MGMT: variants seen among roughly 807,000 people sequenced by gnomAD.
MGMT encodes O-6-methylguanine-DNA methyltransferase.
A neutral mutation model predicts 15.9 loss-of-function variants in MGMT; 14 were observed. That is an observed-to-expected ratio of 0.88 (90% CI 0.58 to 1.37). MGMT has a LOEUF of 1.37. MGMT is among the 40% of genes most tolerant of loss of function. The pLI is 0.00. For synonymous variants in MGMT, 130 were observed against 118.2 expected (o/e 1.10, Z -0.65); for missense variants, 282 against 268.1 (o/e 1.05, Z -0.36).
chr10:129,615,892 T>A (rs532248), intron 2 of MGMT, among the ~76,000 whole-genome samples: 67,861 of 151,926 alleles, frequency 0.45, 16,177 homozygotes, highest in East Asian at 0.62. Context: ...GGGACCAGGA[T>A]GAATGGGTCT....
In MGMT at chr10:129,767,195, G is replaced by A. The variant is rs1387100158; in HGVS notation, c.*198G>A. ...GCACACATTTGTTTCCTTCTCTAAC[G>A]CTGCCCTTGCTCTATTTTTCATGTC... On this transcript the variant is annotated 3_prime_UTR_variant, in exon 5 of 5. Coordinates refer to ENST00000651593, the MANE Select transcript of MGMT (RefSeq NM_002412.5). 13 of 511,868 alleles carry A rather than the reference G, an allele frequency of 2.5e-5. No individual in the cohort carries two copies. Among genetic ancestry groups the A allele is most frequent in the Non-Finnish European group, 4.1e-5 (12 of 292,082 alleles). 31.7% of individuals were successfully genotyped at this position (511,868 alleles called of 1,614,324 possible). A position where few individuals can be genotyped will look rare whatever the true frequency, so the allele number is the denominator to read the frequency against.
At chr10:129,713,081 C>T (rs1047904532) in intron 3 of MGMT, among the ~76,000 whole-genome samples, 10 of 152,180 alleles carry the variant, frequency 6.6e-5, no homozygotes, top group East Asian at 3.8e-4. Context: ...GTCCTTTCAG[C>T]ACTTTGTACC....
chr10:129,640,115 G>A (rs1239747052), intron 2 of MGMT, among the ~76,000 whole-genome samples: 1 of 85,672 alleles, frequency 1.2e-5, no homozygotes, highest in Non-Finnish European at 2.4e-5. Flanking sequence ...TTTTTTTTTT[G>A]GAGACAGAGT....
intron 3 of MGMT, among the ~76,000 whole-genome samples, chr10:129,757,701 C>T (rs1426978685): frequency 1.3e-5 from 2 of 152,170 alleles, no homozygotes; most frequent in African/African-American, 2.4e-5. Flanking sequence ...GATTTCAAAA[C>T]GTTTTCTGAA....
chr10:129,533,746 C>T lies in MGMT; in HGVS notation c.-12-2495C>T, dbSNP rs765527575. On this transcript the variant is annotated intron_variant, in intron 1 of 4. Transcript: ENST00000651593. The surrounding 1 kb of genome is among the most constrained non-coding windows in gnomAD (Gnocchi z 4.5). ...TGATGTGTGCTGTTCTTCAGGGAGC[C>T]CTGAGCAGAGCTGCCAGCATCCTGC... Among the ~76,000 whole-genome samples the T allele has an allele frequency of 6.6e-6, 1 of 152,128 alleles. No individual in the cohort carries two copies. The highest frequency in any genetic ancestry group is 2.4e-5 in the African/African-American group (1 of 41,414).
chr10:129,707,916 C>A lies in MGMT; in HGVS notation c.147C>A (p.Pro49=). Residue 49 remains proline (P), a synonymous_variant, in exon 3 of 5, where the codon CCC becomes CCA. Transcript: ENST00000651593. ...GCAGTGCCGTGGAGGTCCCAGCCCC[C>A]GCTGCGGTTCTCGGAGGTCCGGAGC... The part of the protein sequence containing the change: ...SAADAVEVPA[P]AAVLGGPEPL... 1 of 1,611,992 alleles carries A rather than the reference C, an allele frequency of 6.2e-7. No homozygotes were observed. The highest frequency in any genetic ancestry group is 1.1e-5 in the South Asian group (1 of 91,030).
rs16906252 is a variant in MGMT at position 129,467,281 on chromosome 10, C to T, written c.-28C>T. ...GACGCCCGCAGGTCCTCGCGGTGCG[C>T]ACCGTTTGCGACTTGGTGAGTGTCT... On this transcript the variant is annotated 5_prime_UTR_variant, in exon 1 of 5. Coordinates refer to ENST00000651593, the MANE Select transcript of MGMT (RefSeq NM_002412.5). 0.064 allele frequency: 98,079 copies of T among 1,543,640 alleles called. 3,472 individuals are homozygous for T. The highest frequency in any genetic ancestry group is 0.071 in the Non-Finnish European group (81,112 of 1,145,102).
At chr10:129,557,680 A>C (rs987692955) in intron 2 of MGMT, among the ~76,000 whole-genome samples, 1 of 152,212 alleles carries the variant, frequency 6.6e-6, no homozygotes, top group Non-Finnish European at 1.5e-5. Flanking sequence ...GTGGGTTTTT[A>C]GCTAGAACAG....
chr10:129,548,435 CTTTAT>C (rs1299248730), intron 2 of MGMT, among the ~76,000 whole-genome samples: 2 of 152,184 alleles, frequency 1.3e-5, no homozygotes, highest in Non-Finnish European at 1.5e-5. Flanking sequence ...GCTTTCTGAT[CTTTAT>C]TTTATCCTTT....
chr10:129,638,446 G>GAAAAAAAAAAAAAAAAAAAA (rs1157292152), intron 2 of MGMT, among the ~76,000 whole-genome samples: 2 of 96,314 alleles, frequency 2.1e-5, no homozygotes, highest in African/African-American at 3.8e-5. Flanking sequence ...AAAAAAAAAA[G>GAAAAAAAAAAAAAAAAAAAA]AAAAAAAAAA....
At chr10:129,678,428 C>T (rs971309524) in intron 2 of MGMT, among the ~76,000 whole-genome samples, 59 of 152,254 alleles carry the variant, frequency 3.9e-4, no homozygotes, top group African/African-American at 1.4e-3. Flanking sequence ...GCTGCCAGGG[C>T]TGGGTGACTC....
At chr10:129,641,145 A>G (rs533145076) in intron 2 of MGMT, among the ~76,000 whole-genome samples, 1 of 152,368 alleles carries the variant, frequency 6.6e-6, no homozygotes, top group African/African-American at 2.4e-5. Context: ...ACTACGCAAC[A>G]TACAAAAACC....
chr10:129,501,239 C>T (rs955813405), intron 1 of MGMT, among the ~76,000 whole-genome samples: 2 of 152,228 alleles, frequency 1.3e-5, no homozygotes, highest in South Asian at 2.1e-4. Context: ...CCCCTCTTCC[C>T]TCTCTGGGCT....
At chr10:129,543,312 C>T (rs11016834) in intron 2 of MGMT, among the ~76,000 whole-genome samples, 1 of 152,274 alleles carries the variant, frequency 6.6e-6, no homozygotes, top group East Asian at 1.9e-4. Context: ...GCAGGCTGAG[C>T]CTTCCAAGTC....
At chr10:129,584,289 G>T (rs1846592388) in intron 2 of MGMT, among the ~76,000 whole-genome samples, 1 of 152,216 alleles carries the variant, frequency 6.6e-6, no homozygotes, top group South Asian at 2.1e-4. Flanking sequence ...CTGCTGGCCT[G>T]ATGCAGCAGG....
chr10:129,543,242 T>G (rs888519745), intron 2 of MGMT, among the ~76,000 whole-genome samples: 1 of 151,712 alleles, frequency 6.6e-6, no homozygotes, highest in Non-Finnish European at 1.5e-5. Context: ...GCATAACATA[T>G]GCTTTTAAGT....
chr10:129,497,329 C>G (rs956662054), intron 1 of MGMT, among the ~76,000 whole-genome samples: 1 of 152,206 alleles, frequency 6.6e-6, no homozygotes, highest in Middle Eastern at 3.2e-3. Flanking sequence ...TGGTCCGGCA[C>G]TGCAGTCAGC....
chr10:129,515,403 G>T (rs1436996216), intron 1 of MGMT, among the ~76,000 whole-genome samples: 1 of 152,214 alleles, frequency 6.6e-6, no homozygotes, highest in Non-Finnish European at 1.5e-5. Context: ...CCGTTGAAGG[G>T]CAGTGCTCCT....
intron 2 of MGMT, among the ~76,000 whole-genome samples, chr10:129,588,218 C>T (rs1208114005): frequency 6.6e-6 from 1 of 152,148 alleles, no homozygotes; most frequent in African/African-American, 2.4e-5. Flanking sequence ...AAGAGACTCG[C>T]AGCCTCAGCC....
Sources: allele counts gnomAD v4.1 joint callset (sites outside exome capture counted in the v4.1 genomes callset), GRCh38; gene constraint gnomAD v4.1.1; non-coding constraint Gnocchi (gnomAD v3.1); transcripts MANE v1.5; gene names NCBI Gene and HGNC (gene_info 2026-07-23, HGNC 2026-07-21).